Variants in MSR1 observed in about 807,000 individuals in gnomAD.
MSR1 encodes macrophage scavenger receptor 1, also known as macrophage scavenger receptor types I and II.
In MSR1, 53 loss-of-function variants were observed where a neutral mutation model predicts 47.2. The observed-to-expected ratio is 1.12, with a 90% CI of 0.90 to 1.41. The LOEUF (loss-of-function observed/expected upper bound fraction) is 1.41, where lower values mean the gene tolerates loss of function less well. MSR1 is among the 40% of genes most tolerant of loss of function. The pLI, the probability that MSR1 is intolerant of heterozygous loss-of-function variation, is 0.00. For synonymous variants in MSR1, 239 were observed against 185.6 expected, an observed-to-expected ratio of 1.29 and a Z score of -2.34; for missense variants, 786 against 546.9, an observed-to-expected ratio of 1.44 and a Z score of -4.36.
intron 1 of MSR1, among the ~76,000 whole-genome samples, chr8:16,189,099 T>G (rs915596517): frequency 1.4e-5 from 2 of 146,106 alleles, no homozygotes; most frequent in Non-Finnish European, 3.0e-5. Flanking sequence ...CAAAACCTTA[T>G]TTTACATATA....
chr8:16,162,125 T>C (rs1216861901), intron 5 of MSR1, among the ~76,000 whole-genome samples: 1 of 151,922 alleles, frequency 6.6e-6, no homozygotes, highest in Non-Finnish European at 1.5e-5. Context: ...AAATTATCAA[T>C]ACAAAACCAC....
At chr8:16,140,369 G>C in intron 8 of MSR1, 1 of 985,250 alleles carries the variant, frequency 1.0e-6, no homozygotes, top group Non-Finnish European at 1.2e-6. Flanking sequence ...ATTGAAGATT[G>C]AGCTGATTCC....
intron 8 of MSR1, among the ~76,000 whole-genome samples, chr8:16,122,672 T>C (rs1332481456): frequency 1.3e-5 from 2 of 151,998 alleles, no homozygotes; most frequent in African/African-American, 2.4e-5. Context: ...CTAACCTAGA[T>C]GATTGCAGTA....
intron 9 of MSR1, among the ~76,000 whole-genome samples, chr8:16,118,719 T>G (rs1464411123): frequency 6.6e-6 from 1 of 151,924 alleles, no homozygotes; most frequent in African/African-American, 2.4e-5. Context: ...AGAAAACCAA[T>G]GTGGAAACTC....
chr8:16,168,100 G>A (rs1288329953), intron 4 of MSR1, among the ~76,000 whole-genome samples: 1 of 152,082 alleles, frequency 6.6e-6, no homozygotes, highest in African/African-American at 2.4e-5. Flanking sequence ...TATCAAATAT[G>A]TCTGTTGCAA....
intron 6 of MSR1, among the ~76,000 whole-genome samples, chr8:16,153,053 T>G (rs1203903846): frequency 6.6e-6 from 1 of 152,072 alleles, no homozygotes; most frequent in Non-Finnish European, 1.5e-5. Flanking sequence ...CTACTATATT[T>G]AATGTATTAG....
Position 16,188,928 on chromosome 8 carries a change from G to T in MSR1, c.-5+3670C>A, listed in dbSNP as rs1357144466. Among the ~76,000 whole-genome samples, 8 of 143,442 alleles carry T rather than the reference G, an allele frequency of 5.6e-5. No homozygotes were observed. The Admixed American group carries it at 5.7e-4, about 10-fold the overall frequency. The allele number at this position is 143,442 out of a possible 152,430, so 94.1% of individuals were successfully genotyped here. ...TCTATCACTGAGGGACATTTGGGTT[G>T]GTTCCAAGTGTTTGCTACCTAATAA... On this transcript the variant is annotated intron_variant, in intron 1 of 9. Transcript: ENST00000262101.
At chr8:16,172,265 T>A (rs968802553) in intron 3 of MSR1, among the ~76,000 whole-genome samples, 1 of 152,166 alleles carries the variant, frequency 6.6e-6, no homozygotes, top group Non-Finnish European at 1.5e-5. Flanking sequence ...CCAATGTGAC[T>A]AAGGTCATAT....
chr8:16,192,383 T>C lies in MSR1; in HGVS notation c.-5+215A>G, dbSNP rs13306542. 0.18 allele frequency among the ~76,000 whole-genome samples: 27,800 copies of C among 152,076 alleles called. 3,976 individuals carry two copies. Among genetic ancestry groups the C allele is most frequent in the African/African-American group, 0.39 (16,280 of 41,424 alleles). The stretch of plus-strand genomic sequence containing the variant: ...TGTGAACATATATGTTTTTCACTCA[T>C]GGAAAATTTAGCAGAAATCCCTATT... On this transcript the variant is annotated intron_variant, in intron 1 of 9. Coordinates refer to ENST00000262101, the MANE Select transcript of MSR1 (RefSeq NM_138715.3).
At chr8:16,136,209 A>G (rs1374283234) in intron 8 of MSR1, among the ~76,000 whole-genome samples, 1 of 152,158 alleles carries the variant, frequency 6.6e-6, no homozygotes, top group Admixed American at 6.6e-5. Flanking sequence ...TCTCATGAGG[A>G]GAAGACTCCA....
At chr8:16,134,586 T>A (rs2117091845) in intron 8 of MSR1, among the ~76,000 whole-genome samples, 1 of 152,258 alleles carries the variant, frequency 6.6e-6, no homozygotes, top group East Asian at 1.9e-4. Flanking sequence ...ACAGCAATAT[T>A]GAAATTAAAC....
rs192721607 is a variant in MSR1, at chr8:16,189,525, A to T, written c.-5+3073T>A. On this transcript the variant is annotated intron_variant, in intron 1 of 9. Transcript: ENST00000262101. Reference sequence around the variant, plus strand: ...TATATATTTTTATATATAAAAAATCATATTTTATATATATTTTATATATTT... The same window carrying T: ...TATATATTTTTATATATAAAAAATCTTATTTTATATATATTTTATATATTT... Among the ~76,000 whole-genome samples, 21 of 81,640 alleles carry T rather than the reference A, an allele frequency of 2.6e-4. 1 individual carries two copies. Among genetic ancestry groups the T allele is most frequent in the African/African-American group, 7.0e-4 (9 of 12,892 alleles). 53.6% of individuals were successfully genotyped at this position (81,640 alleles called of 152,430 possible).
intron 8 of MSR1, among the ~76,000 whole-genome samples, chr8:16,131,894 T>C (rs757338253): frequency 2.0e-5 from 3 of 152,130 alleles, no homozygotes; most frequent in Non-Finnish European, 4.4e-5. Flanking sequence ...CCCTGTAGTA[T>C]AGTTTGAAGT....
intron 3 of MSR1, among the ~76,000 whole-genome samples, chr8:16,173,055 G>A (rs1005780030): frequency 2.8e-4 from 42 of 152,162 alleles, no homozygotes; most frequent in African/African-American, 9.7e-4. Context: ...TAAACATAGT[G>A]AGGCCTTTTC....
At chr8:16,171,822 G>C (rs781650845) in intron 3 of MSR1, among the ~76,000 whole-genome samples, 1 of 152,106 alleles carries the variant, frequency 6.6e-6, no homozygotes, top group Non-Finnish European at 1.5e-5. Flanking sequence ...TTCTGGCTCT[G>C]CCCTTTATAA....
chr8:16,148,931 C>T (rs1398192146), intron 7 of MSR1, among the ~76,000 whole-genome samples: 1 of 152,122 alleles, frequency 6.6e-6, no homozygotes, highest in Non-Finnish European at 1.5e-5. Flanking sequence ...GCCAGTCTGA[C>T]AAGGCCACAT....
chr8:16,123,081 G>A (rs1172884533), intron 8 of MSR1, among the ~76,000 whole-genome samples: 6 of 151,966 alleles, frequency 3.9e-5, no homozygotes, highest in African/African-American at 7.2e-5. Flanking sequence ...TCCTGACCTC[G>A]TGATCCGCCC....
Position 16,138,366 on chromosome 8 carries a change from T to C in MSR1, c.1033+5192A>G, listed in dbSNP as rs78874363. On this transcript the variant is annotated intron_variant, in intron 8 of 9. Coordinates refer to ENST00000262101, the MANE Select transcript of MSR1 (RefSeq NM_138715.3). ...TGAGAACACAACAGACGATTCACTATGACTAGCGTTAGAGCTTAGTGAAGG... is the reference window on the plus strand; with the variant it reads ...TGAGAACACAACAGACGATTCACTACGACTAGCGTTAGAGCTTAGTGAAGG... Among the ~76,000 whole-genome samples the C allele has an allele frequency of 0.011, 1,730 of 152,312 alleles. 90 individuals are homozygous for C. The East Asian group carries it at 0.12, about 11-fold the overall frequency.
At chr8:16,165,160 G>T (rs2117172251) in intron 4 of MSR1, among the ~76,000 whole-genome samples, 1 of 152,072 alleles carries the variant, frequency 6.6e-6, no homozygotes, top group Non-Finnish European at 1.5e-5. Flanking sequence ...AAGTGGATTT[G>T]ACCAAAGGGA....
Sources: gnomAD v4.1 joint callset for allele counts (sites outside exome capture counted in the v4.1 genomes callset) on GRCh38, gnomAD v4.1.1 for gene constraint, MANE v1.5 for transcripts, NCBI Gene and HGNC (gene_info 2026-07-23, HGNC 2026-07-21) for gene names.